The following R3HDM1 variants were observed in gnomAD, a reference collection of about 807,000 sequenced individuals.
R3HDM1 encodes R3H domain-containing protein 1.
R3HDM1 carries 46 observed loss-of-function variants against 141.1 expected under a neutral mutation model. That is an observed-to-expected ratio of 0.33 (90% CI 0.26 to 0.42). The LOEUF (loss-of-function observed/expected upper bound fraction) is 0.42. R3HDM1 is among the 10% of genes least tolerant of loss of function. R3HDM1 has a pLI of 1.00. For synonymous variants in R3HDM1, 435 were observed against 472.9 expected (o/e 0.92, Z 1.04); for missense variants, 1,184 against 1,368.3 (o/e 0.87, Z 2.12).
intron 14 of R3HDM1, among the ~76,000 whole-genome samples, chr2:135,641,272 G>A (rs922245444): frequency 6.6e-6 from 1 of 152,060 alleles, no homozygotes; most frequent in Non-Finnish European, 1.5e-5. Context: ...GCTTTTTGTG[G>A]CTGTCTGTGG....
At chr2:135,547,974 A>C (rs535364718) in intron 1 of R3HDM1, among the ~76,000 whole-genome samples, 1 of 152,046 alleles carries the variant, frequency 6.6e-6, no homozygotes, top group South Asian at 2.1e-4. Context: ...GGGTTTCACC[A>C]TGTTGGACAG....
intron 1 of R3HDM1, among the ~76,000 whole-genome samples, chr2:135,563,397 C>T (rs907798683): frequency 7.2e-5 from 11 of 152,216 alleles, no homozygotes; most frequent in African/African-American, 2.2e-4. Flanking sequence ...CTTGCTGCCA[C>T]GACTCCTAGG....
At chr2:135,650,197 A>G (rs1460098536) in intron 17 of R3HDM1, 194 bp downstream of exon 17, 2 of 970,238 alleles carry the variant, frequency 2.1e-6, no homozygotes, top group East Asian at 2.3e-4. Context: ...GTGGCTTATT[A>G]TGGTGATTGT....
At chr2:135,595,380 T>C (rs1402277980) in intron 1 of R3HDM1, among the ~76,000 whole-genome samples, 1 of 152,242 alleles carries the variant, frequency 6.6e-6, no homozygotes, top group African/African-American at 2.4e-5. Flanking sequence ...AATCTATTCA[T>C]TTCTACATGG....
chr2:135,638,864 T>A, intron 13 of R3HDM1, 32 bp from the exon 14 acceptor site: 2 of 1,612,088 alleles, frequency 1.2e-6, no homozygotes, highest in Non-Finnish European at 1.7e-6. Flanking sequence ...TCCCCTGCAT[T>A]AGCTTTTCAA....
intron 23 of R3HDM1, among the ~76,000 whole-genome samples, chr2:135,710,744 T>C (rs1286631299): frequency 6.6e-6 from 1 of 152,366 alleles, no homozygotes; most frequent in East Asian, 1.9e-4. Flanking sequence ...CTTAAAAAGA[T>C]AAACTAGATC....
intron 3 of R3HDM1, among the ~76,000 whole-genome samples, chr2:135,613,926 G>T (rs1462045822): frequency 6.6e-6 from 1 of 152,168 alleles, no homozygotes; most frequent in African/African-American, 2.4e-5. Flanking sequence ...TCTACCTCAG[G>T]TAGAATTTAA....
chr2:135,553,373 CA>C (rs1430452645), intron 1 of R3HDM1, among the ~76,000 whole-genome samples: 1 of 152,006 alleles, frequency 6.6e-6, no homozygotes, highest in Non-Finnish European at 1.5e-5. Context: ...TATGTTGTGG[CA>C]AAAGGCAAAC....
At chr2:135,675,281 T>TA in intron 19 of R3HDM1, 51 bp from the exon 20 acceptor site, 1 of 1,516,326 alleles carries the variant, frequency 6.6e-7, no homozygotes, top group Non-Finnish European at 8.9e-7. Context: ...TTTTAAATCT[T>TA]ACTAGATGAA....
intron 1 of R3HDM1, among the ~76,000 whole-genome samples, chr2:135,566,209 T>A (rs1342213949): frequency 6.6e-6 from 1 of 152,206 alleles, no homozygotes; most frequent in Non-Finnish European, 1.5e-5. Context: ...CCTGAACAAC[T>A]TCTACCTGCC....
chr2:135,604,335 A>C (rs2059866094), intron 2 of R3HDM1, among the ~76,000 whole-genome samples: 1 of 152,220 alleles, frequency 6.6e-6, no homozygotes, highest in African/African-American at 2.4e-5. Flanking sequence ...TGTCTTCTAA[A>C]TACACATATA....
rs369855832 is a variant in R3HDM1 at position 135,570,327 on chromosome 2, T to A, written c.-249-32173T>A. ...GTAGTAAAGTATCTTCCATGTGTAATGATGTGTCTGTATGCTGTAGGAATA... is the reference window on the plus strand; with the variant it reads ...GTAGTAAAGTATCTTCCATGTGTAAAGATGTGTCTGTATGCTGTAGGAATA... On this transcript the variant is annotated intron_variant, in intron 1 of 26. Transcript: ENST00000683871. Among the ~76,000 whole-genome samples, 6 of 152,366 alleles carry A rather than the reference T, an allele frequency of 3.9e-5. No homozygotes were observed. In the East Asian group the frequency reaches 1.2e-3, roughly 29 times the overall value.
chr2:135,627,050 A>T (rs189486033), intron 7 of R3HDM1, among the ~76,000 whole-genome samples: 68 of 152,254 alleles, frequency 4.5e-4, no homozygotes, highest in African/African-American at 1.6e-3. Flanking sequence ...AATTCGTGTA[A>T]TGGCTAATGT....
At chr2:135,591,110 T>G (rs2105062315) in intron 1 of R3HDM1, among the ~76,000 whole-genome samples, 1 of 152,266 alleles carries the variant, frequency 6.6e-6, no homozygotes, top group African/African-American at 2.4e-5. Context: ...ATGTTAGATC[T>G]ACCAATTCAA....
intron 4 of R3HDM1, 144 bp from the exon 5 acceptor site, chr2:135,616,524 T>C (rs2061033789): frequency 1.5e-6 from 1 of 682,728 alleles, no homozygotes; most frequent in Non-Finnish European, 2.4e-6. Flanking sequence ...TCAGTAGTGT[T>C]TAATGATATA....
chr2:135,713,174 C>T (rs1165038041), intron 23 of R3HDM1, among the ~76,000 whole-genome samples: 1 of 152,020 alleles, frequency 6.6e-6, no homozygotes, highest in Non-Finnish European at 1.5e-5. Context: ...TGTACTCCAG[C>T]CTAGGTAACA....
At chr2:135,585,456 G>C (rs1394233408) in intron 1 of R3HDM1, among the ~76,000 whole-genome samples, 1 of 152,052 alleles carries the variant, frequency 6.6e-6, no homozygotes, top group Admixed American at 6.6e-5. Flanking sequence ...TTGTCTGATG[G>C]ATCCTTACAA....
chr2:135,707,048 G>GC (rs2075042544), intron 21 of R3HDM1, among the ~76,000 whole-genome samples: 1 of 152,162 alleles, frequency 6.6e-6, no homozygotes, highest in African/African-American at 2.4e-5. Flanking sequence ...GGCTGGCTGG[G>GC]CGGGGGGCTG....
intron 21 of R3HDM1, among the ~76,000 whole-genome samples, chr2:135,689,291 G>T (rs1290412172): frequency 6.6e-6 from 1 of 152,166 alleles, no homozygotes; most frequent in Non-Finnish European, 1.5e-5. Context: ...CTGTTTATTA[G>T]TAGATTTTCA....
Sources: gnomAD v4.1 joint callset for allele counts (sites outside exome capture counted in the v4.1 genomes callset) on GRCh38, gnomAD v4.1.1 for gene constraint, MANE v1.5 for transcripts, NCBI Gene and HGNC (gene_info 2026-07-23, HGNC 2026-07-21) for gene names.